Variants in SLC22A15 observed in about 807,000 individuals in gnomAD.
SLC22A15 encodes the protein flipt 1.
SLC22A15 carries 45 observed loss-of-function variants against 62.7 expected under a neutral mutation model. The observed-to-expected ratio is 0.72, with a 90% CI of 0.56 to 0.92. The LOEUF is 0.92. Among genes scored for constraint, SLC22A15 ranks in the 40% least tolerant of loss-of-function variants. The probability of loss-of-function intolerance (pLI) is 0.00; values close to 1 mark genes in which losing one functional copy is unlikely to be tolerated. For synonymous variants in SLC22A15, 264 were observed against 267.0 expected (o/e 0.99, Z 0.11); for missense variants, 622 against 665.6 (o/e 0.93, Z 0.72).
intron 8 of SLC22A15, among the ~76,000 whole-genome samples, chr1:116,042,494 T>A (rs1657814790): frequency 2.0e-5 from 3 of 152,144 alleles, no homozygotes; most frequent in African/African-American, 7.2e-5. Context: ...ATCAGTGAAT[T>A]GTGGGACAAT....
At chr1:115,990,317 T>C (rs565023381) in intron 1 of SLC22A15, among the ~76,000 whole-genome samples, 5 of 152,250 alleles carry the variant, frequency 3.3e-5, no homozygotes, top group Admixed American at 3.3e-4. Flanking sequence ...TTGAAGGCTG[T>C]GCATTCACTA....
chr1:116,031,890 C>A, intron 6 of SLC22A15: 1 of 1,132,650 alleles, frequency 8.8e-7, no homozygotes, highest in Non-Finnish European at 1.1e-6. Flanking sequence ...CCTTCCCCTG[C>A]AAAAAAGGAA....
chr1:116,020,260 AAC>A (rs1422857971), intron 3 of SLC22A15, among the ~76,000 whole-genome samples: 2,908 of 151,662 alleles, frequency 0.019, 92 homozygotes, highest in African/African-American at 0.066. Flanking sequence ...AAAAAAAAAA[AAC>A]ACACAGCTGG....
At chr1:116,055,103 A>C (rs1390102094) in intron 8 of SLC22A15, among the ~76,000 whole-genome samples, 2 of 149,730 alleles carry the variant, frequency 1.3e-5, no homozygotes, top group Non-Finnish European at 3.0e-5. Flanking sequence ...TCAAAAAATT[A>C]ATGAATCCAG....
At chr1:116,026,221 G>C (rs1393680570) in intron 4 of SLC22A15, among the ~76,000 whole-genome samples, 1 of 151,888 alleles carries the variant, frequency 6.6e-6, no homozygotes, top group African/African-American at 2.4e-5. Flanking sequence ...AGGCTAGCCT[G>C]GCCAAGATGG....
At chr1:115,995,458 C>T (rs894403450) in intron 2 of SLC22A15, among the ~76,000 whole-genome samples, 12 of 152,158 alleles carry the variant, frequency 7.9e-5, no homozygotes, top group Admixed American at 1.3e-4. Context: ...ACCATGTTGG[C>T]CAGGCTGGTC....
intron 2 of SLC22A15, among the ~76,000 whole-genome samples, chr1:116,002,206 C>A (rs1655777679): frequency 1.3e-5 from 2 of 152,206 alleles, no homozygotes; most frequent in African/African-American, 2.4e-5. Flanking sequence ...CAGCATCTCT[C>A]TCCATGCTGA....
Position 116,032,358 on chromosome 1 carries a change from A to G in SLC22A15, c.944+777A>G, listed in dbSNP as rs115564667. On this transcript the variant is annotated intron_variant, in intron 6 of 11. Coordinates refer to ENST00000369503, the MANE Select transcript of SLC22A15 (RefSeq NM_018420.3). ...ATATTGTACATACTGCTAATGTGCC[A>G]TAAGTGTTATCTGGGCAAAATCATA... 6,351 of 985,420 alleles carry G rather than the reference A, an allele frequency of 6.4e-3. 24 individuals are homozygous for G. Among genetic ancestry groups the G allele is most frequent in the Non-Finnish European group, 7.0e-3 (5,850 of 829,930 alleles). The allele number at this position is 985,420 out of a possible 1,614,324, so 61.0% of individuals were successfully genotyped here.
intron 2 of SLC22A15, among the ~76,000 whole-genome samples, chr1:115,997,275 G>T (rs965142035): frequency 6.6e-6 from 1 of 151,958 alleles, no homozygotes; most frequent in Non-Finnish European, 1.5e-5. Flanking sequence ...GATGGCTTTG[G>T]CTATTCTGGG....
At chr1:115,980,227 A>G (rs1654546609) in intron 1 of SLC22A15, among the ~76,000 whole-genome samples, 1 of 152,142 alleles carries the variant, frequency 6.6e-6, no homozygotes, top group Non-Finnish European at 1.5e-5. Context: ...CAAACATTAA[A>G]CAATCTAACA....
intron 2 of SLC22A15, among the ~76,000 whole-genome samples, chr1:116,004,132 T>A (rs910364765): frequency 2.0e-5 from 3 of 152,212 alleles, no homozygotes; most frequent in Admixed American, 2.0e-4. Context: ...TCAGTTTTAG[T>A]TGGTCAGAGA....
At chr1:115,999,986 A>G (rs1006396689) in intron 2 of SLC22A15, among the ~76,000 whole-genome samples, 4 of 151,750 alleles carry the variant, frequency 2.6e-5, no homozygotes, top group African/African-American at 9.7e-5. Flanking sequence ...TTTTCAGTCT[A>G]TGTGTATCTT....
chr1:116,021,552 T>A (rs1570738987), intron 4 of SLC22A15, among the ~76,000 whole-genome samples: 1 of 152,358 alleles, frequency 6.6e-6, no homozygotes, highest in Middle Eastern at 3.4e-3. Context: ...CACTTGACAA[T>A]GGTTGAATGT....
chr1:116,021,373 G>A lies in SLC22A15; in HGVS notation c.598+488G>A, dbSNP rs541085089. On this transcript the variant is annotated intron_variant, in intron 4 of 11. Transcript: ENST00000369503. ...ATTTCCAAAATTGAGACTGTATTCT[G>A]AATTATTTTTGACTATCCCATTATT... Among the ~76,000 whole-genome samples, 9 of 152,088 alleles carry A rather than the reference G, an allele frequency of 5.9e-5. No homozygotes were observed. In the South Asian group the frequency reaches 1.9e-3, roughly 32 times the overall value.
At chr1:116,056,179 C>T (rs1328615880) in intron 8 of SLC22A15, among the ~76,000 whole-genome samples, 2 of 152,148 alleles carry the variant, frequency 1.3e-5, no homozygotes, top group African/African-American at 4.8e-5. Context: ...CCCAAAATCT[C>T]CTTAAGCTGA....
At chr1:115,984,514 G>A (rs993125412) in intron 1 of SLC22A15, among the ~76,000 whole-genome samples, 1 of 152,110 alleles carries the variant, frequency 6.6e-6, no homozygotes, top group Admixed American at 6.5e-5. Context: ...TCACATATGC[G>A]ACACTGGGCC....
intron 8 of SLC22A15, among the ~76,000 whole-genome samples, chr1:116,052,722 G>A (rs866904051): frequency 4.6e-5 from 7 of 152,304 alleles, no homozygotes; most frequent in Middle Eastern, 3.4e-3. Flanking sequence ...CCAGAGGAAT[G>A]ATCAGACAGC....
intron 2 of SLC22A15, among the ~76,000 whole-genome samples, chr1:116,002,410 A>G (rs555887798): frequency 3.3e-5 from 5 of 151,958 alleles, no homozygotes; most frequent in South Asian, 4.2e-4. Flanking sequence ...TCCTACTAGG[A>G]CTTGATCTTT....
intron 2 of SLC22A15, among the ~76,000 whole-genome samples, chr1:115,997,036 G>A (rs1202923222): frequency 3.3e-5 from 5 of 151,808 alleles, no homozygotes; most frequent in Non-Finnish European, 7.4e-5. Context: ...GGACATCCTT[G>A]CCTTGATTCT....
Sources: gnomAD v4.1 joint callset for allele counts (sites outside exome capture counted in the v4.1 genomes callset) on GRCh38, gnomAD v4.1.1 for gene constraint, MANE v1.5 for transcripts, NCBI Gene and HGNC (gene_info 2026-07-23, HGNC 2026-07-21) for gene names.